PTPRD: variants seen among roughly 807,000 people sequenced by gnomAD.
The protein encoded by PTPRD is receptor-type tyrosine-protein phosphatase delta.
In PTPRD, 34 loss-of-function variants were observed where a neutral mutation model predicts 214.5. That is an observed-to-expected ratio of 0.16 (90% CI 0.12 to 0.21). The LOEUF is 0.21. Ranked by LOEUF, PTPRD falls within the 10% of genes least tolerant of loss-of-function variation. PTPRD has a pLI of 1.00. For synonymous variants in PTPRD, 1,128 were observed against 845.7 expected, an observed-to-expected ratio of 1.33 and a Z score of -5.79; for missense variants, 2,545 against 2,398.7, an observed-to-expected ratio of 1.06 and a Z score of -1.27.
intron 2 of PTPRD, among the ~76,000 whole-genome samples, chr9:10,583,466 T>C (rs2072762537): frequency 6.6e-6 from 1 of 151,758 alleles, no homozygotes; most frequent in Non-Finnish European, 1.5e-5. Flanking sequence ...TCTTTTTTTT[T>C]TTTTAGACGG....
intron 10 of PTPRD, among the ~76,000 whole-genome samples, chr9:9,089,227 G>A (rs896244433): frequency 6.6e-6 from 1 of 152,098 alleles, no homozygotes; most frequent in Non-Finnish European, 1.5e-5. Flanking sequence ...TTCTGTAAAT[G>A]TTTAGAGAAT....
intron 14 of PTPRD, among the ~76,000 whole-genome samples, chr9:8,599,918 G>A (rs1034989951): frequency 1.3e-5 from 2 of 152,026 alleles, no homozygotes; most frequent in African/African-American, 2.4e-5. Context: ...GCGCCTGGCC[G>A]GCCCCTCCCC....
chr9:9,206,412 C>T (rs1018699654), intron 9 of PTPRD, among the ~76,000 whole-genome samples: 1 of 152,070 alleles, frequency 6.6e-6, no homozygotes, highest in Non-Finnish European at 1.5e-5. Context: ...TTGGGGGAGG[C>T]AAGAGAAATC....
intron 3 of PTPRD, among the ~76,000 whole-genome samples, chr9:10,305,383 C>CAAAAAAAAAAAAAAAAAAAAAAAAAAAA (rs532681794): frequency 1.3e-5 from 1 of 75,878 alleles, no homozygotes; most frequent in African/African-American, 4.1e-5. Context: ...AAAGCAATGG[C>CAAAAAAAAAAAAAAAAAAAAAAAAAAAA]AAAAAAAAAA....
chr9:10,489,845 T>C (rs2099155698), intron 2 of PTPRD, among the ~76,000 whole-genome samples: 1 of 152,068 alleles, frequency 6.6e-6, no homozygotes, highest in African/African-American at 2.4e-5. Context: ...ACAGAAACAC[T>C]CCATGCATAA....
At chr9:9,829,239 C>A (rs1476908468) in intron 5 of PTPRD, among the ~76,000 whole-genome samples, 2 of 151,722 alleles carry the variant, frequency 1.3e-5, no homozygotes, top group Non-Finnish European at 2.9e-5. Context: ...CATAAGAATA[C>A]CTACAGTGAT....
intron 10 of PTPRD, among the ~76,000 whole-genome samples, chr9:9,107,407 T>C (rs764609403): frequency 4.6e-5 from 7 of 152,226 alleles, no homozygotes; most frequent in Non-Finnish European, 8.8e-5. Context: ...CCAAATTTCA[T>C]CTACCAGCCT....
chr9:10,441,271 C>T (rs563157121), intron 2 of PTPRD, among the ~76,000 whole-genome samples: 2 of 151,760 alleles, frequency 1.3e-5, no homozygotes, highest in East Asian at 1.9e-4. Context: ...CGGTGAAAGG[C>T]CTTTCCTGAT....
At chr9:8,790,708 G>T (rs1009133807) in intron 11 of PTPRD, among the ~76,000 whole-genome samples, 1 of 151,334 alleles carries the variant, frequency 6.6e-6, no homozygotes, top group African/African-American at 2.4e-5. Flanking sequence ...AGGTTAAAAG[G>T]TTGCAAAATA....
chr9:9,603,520 C>A (rs1051648841), intron 7 of PTPRD, among the ~76,000 whole-genome samples: 3 of 152,172 alleles, frequency 2.0e-5, no homozygotes, highest in Non-Finnish European at 4.4e-5. Context: ...GCGGCATACC[C>A]GGAAGTGAGC....
intron 10 of PTPRD, among the ~76,000 whole-genome samples, chr9:9,132,596 T>C (rs1397581490): frequency 2.0e-5 from 3 of 152,206 alleles, no homozygotes; most frequent in Non-Finnish European, 4.4e-5. Flanking sequence ...AGTATTCTCA[T>C]TCTATTAATA....
intron 11 of PTPRD, chr9:8,858,117 T>A (rs1487503416): frequency 6.1e-6 from 1 of 163,216 alleles, no homozygotes; most frequent in Non-Finnish European, 1.3e-5. Flanking sequence ...CTCCTCTTCC[T>A]CCTCCTCCCG....
intron 14 of PTPRD, among the ~76,000 whole-genome samples, chr9:8,614,621 G>C (rs958248866): frequency 6.6e-6 from 1 of 152,082 alleles, no homozygotes; most frequent in African/African-American, 2.4e-5. Context: ...TCTTTGCAAA[G>C]ATAACTACTA....
At position 9,787,017 on chromosome 9, in the gene PTPRD, G is replaced by C. The variant is rs369579677; in HGVS notation, c.-367-20166C>G. ...GCTTGTGTGGTGGTGTGCGCCTGAAGTCCCAACTACTTGGAAGTCTGAAGC... is the reference window on the plus strand; with the variant it reads ...GCTTGTGTGGTGGTGTGCGCCTGAACTCCCAACTACTTGGAAGTCTGAAGC... On this transcript the variant is annotated intron_variant, in intron 5 of 45. Transcript: ENST00000381196. 2.9e-3 allele frequency among the ~76,000 whole-genome samples: 447 copies of C among 152,002 alleles called. 3 individuals are homozygous for C. The highest frequency in any genetic ancestry group is 0.01 in the African/African-American group (419 of 41,462).
At chr9:9,134,895 G>C (rs1250680809) in intron 10 of PTPRD, among the ~76,000 whole-genome samples, 1 of 151,972 alleles carries the variant, frequency 6.6e-6, no homozygotes, top group Non-Finnish European at 1.5e-5. Context: ...TTTAGAAATG[G>C]TACATAAAAA....
chr9:8,532,209 T>A (rs2075871878), intron 14 of PTPRD, among the ~76,000 whole-genome samples: 1 of 152,080 alleles, frequency 6.6e-6, no homozygotes, highest in Admixed American at 6.6e-5. Context: ...CGTTGACAGT[T>A]GTGGCTTGTT....
intron 21 of PTPRD, among the ~76,000 whole-genome samples, chr9:8,514,530 T>G (rs867482114): frequency 5.3e-5 from 8 of 151,936 alleles, no homozygotes; most frequent in African/African-American, 1.4e-4. Context: ...ACTTAGTTTT[T>G]TTTTTTTTTT....
chr9:9,639,756 C>T (rs1388149852), intron 7 of PTPRD, among the ~76,000 whole-genome samples: 1 of 152,136 alleles, frequency 6.6e-6, no homozygotes, highest in East Asian at 1.9e-4. Flanking sequence ...AGGTAATTCT[C>T]ATGTGTTTTC....
rs368295851 is a variant in PTPRD at position 8,558,570 on chromosome 9, A to G, written c.353-29791T>C. ...GAAACAGCCTTTTCACATGTGTCAGATTTTCATCTCTCTGAAACGTATTAA... is the reference window on the plus strand; with the variant it reads ...GAAACAGCCTTTTCACATGTGTCAGGTTTTCATCTCTCTGAAACGTATTAA... On this transcript the variant is annotated intron_variant, in intron 14 of 45. Transcript: ENST00000381196. 3.0e-4 allele frequency among the ~76,000 whole-genome samples: 46 copies of G among 152,268 alleles called. 1 individual carries two copies. In the South Asian group the frequency reaches 8.1e-3, roughly 27 times the overall value.
Sources: allele counts gnomAD v4.1 joint callset (sites outside exome capture counted in the v4.1 genomes callset), GRCh38; gene constraint gnomAD v4.1.1; transcripts MANE v1.5; gene names NCBI Gene and HGNC (gene_info 2026-07-23, HGNC 2026-07-21).